The following ASAP1 variants were observed in gnomAD, a reference collection of about 807,000 sequenced individuals.
ASAP1 encodes arf-GAP with SH3 domain, ANK repeat and PH domain-containing protein 1.
ASAP1 carries 43 observed loss-of-function variants against 145.2 expected under a neutral mutation model. The ratio of observed to expected loss-of-function variants is 0.30; its 90% confidence interval spans 0.23 to 0.38. The LOEUF is 0.38. Among genes scored for constraint, ASAP1 ranks in the 10% least tolerant of loss-of-function variants. ASAP1 has a pLI of 1.00. For missense variants in ASAP1, 1,018 were observed against 1,355.3 expected (o/e 0.75, Z 3.91); for synonymous variants, 546 against 515.5 (o/e 1.06, Z -0.80).
At chr8:130,167,464 G>A (rs1406587794) in intron 11 of ASAP1, 72 bp downstream of exon 11, 2 of 1,214,608 alleles carry the variant, frequency 1.6e-6, no homozygotes, top group East Asian at 2.3e-5. Context: ...TTGCAGATCA[G>A]GAAACACAAA....
intron 25 of ASAP1, among the ~76,000 whole-genome samples, chr8:130,089,497 T>C (rs2097501053): frequency 2.0e-5 from 3 of 152,110 alleles, no homozygotes; most frequent in South Asian, 2.1e-4. Context: ...CATAAGAGCG[T>C]TGGAAAGGTG....
At chr8:130,086,485 T>C (rs2097493410) in intron 25 of ASAP1, among the ~76,000 whole-genome samples, 1 of 152,234 alleles carries the variant, frequency 6.6e-6, no homozygotes, top group South Asian at 2.1e-4. Flanking sequence ...CATTTTCTTT[T>C]GTCTTACAAG....
rs138082032 is a variant in ASAP1 at position 130,295,777 on chromosome 8, G to A, written c.187-58783C>T. On this transcript the variant is annotated intron_variant, in intron 3 of 29. Transcript: ENST00000518721. ...AAAATAGCATGAAGCTGTGGCACAA[G>A]ATTTTTTTTTTCCTATCAATCCCTA... 1.8e-4 allele frequency among the ~76,000 whole-genome samples: 28 copies of A among 152,236 alleles called. No individual in the cohort carries two copies. The East Asian group carries it at 5.0e-3, about 27-fold the overall frequency.
intron 7 of ASAP1, among the ~76,000 whole-genome samples, chr8:130,182,430 T>C (rs1336327018): frequency 2.0e-5 from 3 of 152,196 alleles, no homozygotes; most frequent in African/African-American, 7.2e-5. Context: ...GCTTCCAAAA[T>C]GCCACCATAT....
At chr8:130,285,591 T>C (rs1445025921) in intron 3 of ASAP1, among the ~76,000 whole-genome samples, 1 of 152,192 alleles carries the variant, frequency 6.6e-6, no homozygotes, top group Non-Finnish European at 1.5e-5. Flanking sequence ...ATTCAGCCAA[T>C]TGTAACTCTG....
intron 15 of ASAP1, among the ~76,000 whole-genome samples, chr8:130,132,304 A>T (rs1187374481): frequency 2.0e-5 from 3 of 152,126 alleles, no homozygotes; most frequent in Admixed American, 1.3e-4. Flanking sequence ...TATAAATAGT[A>T]CCTCTCTGAA....
intron 3 of ASAP1, among the ~76,000 whole-genome samples, chr8:130,316,877 C>T (rs1823693662): frequency 6.6e-6 from 1 of 152,182 alleles, no homozygotes; most frequent in Non-Finnish European, 1.5e-5. Flanking sequence ...TAATACTGGC[C>T]AAAGATCAAC....
chr8:130,331,060 A>G lies in ASAP1; in HGVS notation c.186+26957T>C, dbSNP rs563385720. Among the ~76,000 whole-genome samples the G allele has an allele frequency of 1.2e-4, 18 of 152,296 alleles. No individual in the cohort carries two copies. The East Asian group carries it at 3.1e-3, about 26-fold the overall frequency. ...CAGTTCCCCCAGCTGCAAAAAGGGA[A>G]TAAGATTACTTCCCAAGCAGATGGA... is the stretch of plus-strand genomic sequence containing the variant. On this transcript the variant is annotated intron_variant, in intron 3 of 29. Coordinates refer to ENST00000518721, the MANE Select transcript of ASAP1 (RefSeq NM_018482.4).
At chr8:130,056,428 T>C (rs2097404357) in intron 29 of ASAP1, among the ~76,000 whole-genome samples, 1 of 152,190 alleles carries the variant, frequency 6.6e-6, no homozygotes, top group Admixed American at 6.5e-5. Context: ...TTGTGGGGGC[T>C]CCCTGAGTAC....
intron 2 of ASAP1, among the ~76,000 whole-genome samples, chr8:130,369,304 C>G (rs1186661021): frequency 1.3e-5 from 2 of 152,012 alleles, no homozygotes; most frequent in Admixed American, 6.6e-5. Flanking sequence ...ATACACATAG[C>G]CTGAAGGTAA....
At chr8:130,204,644 A>G (rs1816086859) in intron 5 of ASAP1, among the ~76,000 whole-genome samples, 1 of 152,168 alleles carries the variant, frequency 6.6e-6, no homozygotes, top group African/African-American at 2.4e-5. Context: ...ACACCTAGGA[A>G]AGCTGTGAAA....
chr8:130,386,095 G>A (rs1217440490), intron 2 of ASAP1, among the ~76,000 whole-genome samples: 1 of 152,202 alleles, frequency 6.6e-6, no homozygotes, highest in Non-Finnish European at 1.5e-5. Flanking sequence ...ACCTGGTGGG[G>A]TCTTTAAACC....
chr8:130,249,350 G>C (rs888130535), intron 3 of ASAP1, among the ~76,000 whole-genome samples: 2 of 152,110 alleles, frequency 1.3e-5, no homozygotes, highest in African/African-American at 2.4e-5. Context: ...CACTGTGACT[G>C]TCCACTTTAT....
intron 11 of ASAP1, among the ~76,000 whole-genome samples, chr8:130,165,783 T>C (rs1231066909): frequency 2.0e-5 from 3 of 152,116 alleles, no homozygotes; most frequent in Non-Finnish European, 4.4e-5. Context: ...ACCAGAAAAA[T>C]AGAGGCTTAT....
At chr8:130,060,015 C>T (rs369692977) in intron 28 of ASAP1, among the ~76,000 whole-genome samples, 8 of 143,698 alleles carry the variant, frequency 5.6e-5, no homozygotes, top group Non-Finnish European at 9.0e-5. Flanking sequence ...GAGACTGAGG[C>T]TGCAGTGAGC....
chr8:130,380,260 G>A (rs529135419), intron 2 of ASAP1, among the ~76,000 whole-genome samples: 8 of 152,158 alleles, frequency 5.3e-5, no homozygotes, highest in Non-Finnish European at 1.2e-4. Context: ...GGTGACCTTC[G>A]GGAGATGCTA....
chr8:130,295,745 G>A (rs1462405316), intron 3 of ASAP1, among the ~76,000 whole-genome samples: 1 of 152,096 alleles, frequency 6.6e-6, no homozygotes, highest in Non-Finnish European at 1.5e-5. Context: ...TTTCAGAAAG[G>A]TTCCTAAAAA....
intron 1 of ASAP1, among the ~76,000 whole-genome samples, chr8:130,442,103 T>C (rs912300960): frequency 4.6e-5 from 7 of 152,234 alleles, no homozygotes; most frequent in Non-Finnish European, 8.8e-5. Flanking sequence ...TTTAACTCCC[T>C]ATCTCAAAAT....
rs1383437544 is a variant in ASAP1, at chr8:130,079,925, A to C, written c.2619T>G (p.Phe873Leu). The C allele has an allele frequency of 1.4e-5, 23 of 1,614,076 alleles. No individual in the cohort carries two copies. Among genetic ancestry groups the C allele is most frequent in the Non-Finnish European group, 1.8e-5 (21 of 1,180,024 alleles). Reference sequence around the variant, plus strand: ...ACCTCGACTGCTGGGATAGTCCCTCAAACTTGTTTGTAGTCTTACTTGAAG... The same window carrying C: ...ACCTCGACTGCTGGGATAGTCCCTCCAACTTGTTTGTAGTCTTACTTGAAG... The part of the protein sequence containing the change: ...PSSSSKTTNK[F>L]EGLSQQSSTS... Residue 873 changes from phenylalanine (F) to leucine (L), a missense_variant, in exon 26 of 30, where the codon TTT becomes TTG. By Grantham distance (22) the Phe-to-Leu change is conservative (BLOSUM62 0). Transcript: ENST00000518721.
Sources: gnomAD v4.1 joint callset for allele counts (sites outside exome capture counted in the v4.1 genomes callset) on GRCh38, gnomAD v4.1.1 for gene constraint, MANE v1.5 for transcripts, NCBI Gene and HGNC (gene_info 2026-07-23, HGNC 2026-07-21) for gene names.